The following MRE11 variants were observed in gnomAD, a reference collection of about 807,000 sequenced individuals.
MRE11 encodes the protein MRE11 double strand break repair nuclease, also known as double-strand break repair protein MRE11.
A neutral mutation model predicts 91.7 loss-of-function variants in MRE11; 62 were observed. The observed-to-expected ratio is 0.68, with a 90% confidence interval of 0.55 to 0.84. The LOEUF (loss-of-function observed/expected upper bound fraction) is 0.84, where lower values mean the gene tolerates loss of function less well. MRE11 is among the 40% of genes least tolerant of loss of function. The pLI is 0.00. For missense variants in MRE11, 796 were observed against 852.9 expected (o/e 0.93, Z 0.83); for synonymous variants, 273 against 271.4 (o/e 1.01, Z -0.06).
rs562062123 is a variant in MRE11 at position 94,466,354 on chromosome 11, T to C, written c.1098+1459A>G. On this transcript the variant is annotated intron_variant, in intron 10 of 19. Transcript: ENST00000323929. ...GAGAAGGAAACTGGAGGCAGAGTCCTGGTAGGAGGCTGCAGCAATAGGCCA... is the reference window on the plus strand; with the variant it reads ...GAGAAGGAAACTGGAGGCAGAGTCCCGGTAGGAGGCTGCAGCAATAGGCCA... 330 of 341,902 alleles carry C rather than the reference T, an allele frequency of 9.7e-4. 2 individuals are homozygous for C. Among genetic ancestry groups the C allele is most frequent in the African/African-American group, 6.5e-3 (302 of 46,148 alleles). 21.2% of individuals were successfully genotyped at this position (341,902 alleles called of 1,614,324 possible).
chr11:94,506,332 G>A, the MRE11 span, among the ~76,000 whole-genome samples: 1 of 151,500 alleles, frequency 6.6e-6, no homozygotes, highest in Non-Finnish European at 1.5e-5. Context: ...GTTAAAAAGA[G>A]AAAAATGGAA....
At chr11:94,464,410 CTAA>C (rs1223152632) in intron 10 of MRE11, among the ~76,000 whole-genome samples, 171 bp from the exon 11 acceptor site, 1 of 152,154 alleles carries the variant, frequency 6.6e-6, no homozygotes, top group African/African-American at 2.4e-5. Context: ...TACTGAGAAA[CTAA>C]TGTTTGAAAA....
intron 19 of MRE11, among the ~76,000 whole-genome samples, chr11:94,426,959 T>G (rs1945338451): frequency 1.3e-5 from 2 of 152,192 alleles, no homozygotes; most frequent in Admixed American, 6.5e-5. Flanking sequence ...CACAGCCATA[T>G]TCTATCAGAC....
chr11:94,443,076 G>T (rs1945829328), intron 16 of MRE11, among the ~76,000 whole-genome samples: 1 of 152,164 alleles, frequency 6.6e-6, no homozygotes, highest in Non-Finnish European at 1.5e-5. Flanking sequence ...TAATCAACCT[G>T]ATTTTGTATC....
At chr11:94,502,480 T>G in the MRE11 span, among the ~76,000 whole-genome samples, 3 of 152,208 alleles carry the variant, frequency 2.0e-5, no homozygotes, top group Non-Finnish European at 4.4e-5. Flanking sequence ...TTTATGTAGT[T>G]TATTTATAGT....
At chr11:94,503,566 T>C in the MRE11 span, among the ~76,000 whole-genome samples, 215 of 152,154 alleles carry the variant, frequency 1.4e-3, no homozygotes, top group African/African-American at 5.0e-3. Flanking sequence ...GGCACACCCC[T>C]GTAGTCCTAG....
intron 18 of MRE11, among the ~76,000 whole-genome samples, chr11:94,430,561 A>G (rs1383971501): frequency 1.3e-5 from 2 of 151,192 alleles, no homozygotes; most frequent in Non-Finnish European, 2.9e-5. Context: ...GCTCACTGCA[A>G]CCTCCACCTC....
At chr11:94,427,492 A>C (rs1453134565) in intron 19 of MRE11, among the ~76,000 whole-genome samples, 6 of 152,210 alleles carry the variant, frequency 3.9e-5, no homozygotes, top group Non-Finnish European at 8.8e-5. Context: ...AAAGATAAGA[A>C]TGCCCACTCT....
intron 10 of MRE11, among the ~76,000 whole-genome samples, chr11:94,464,811 A>G (rs1946518461): frequency 6.6e-6 from 1 of 152,184 alleles, no homozygotes; most frequent in South Asian, 2.1e-4. Flanking sequence ...TGTAGTGGTA[A>G]ACAGACCTTT....
At position 94,492,914 on chromosome 11, in the gene MRE11, C is replaced by G. The variant is rs1307666672; in HGVS notation, c.-105-8G>C. The stretch of plus-strand genomic sequence containing the variant: ...TTCCAAATTCTAGAAATTCTAAAAA[C>G]AAAATTACATCATAAAACACATTTT... On this transcript the variant is annotated splice_region_variant and splice_polypyrimidine_tract_variant and intron_variant, in intron 1 of 19. Transcript: ENST00000323929. The G allele has an allele frequency of 2.1e-6, 2 of 970,968 alleles. No individual in the cohort carries two copies. The highest frequency in any genetic ancestry group is 3.3e-6 in the Non-Finnish European group (2 of 613,982). 60.1% of individuals were successfully genotyped at this position (970,968 alleles called of 1,614,324 possible). A position where few individuals can be genotyped will look rare whatever the true frequency, so the allele number is the denominator to read the frequency against.
Position 94,452,196 on chromosome 11 carries a change from CA to C in MRE11, c.1563+4079del, listed in dbSNP as rs35238737. 6.6e-3 allele frequency among the ~76,000 whole-genome samples: 623 copies of C among 94,516 alleles called. 3 individuals are homozygous for C. Among genetic ancestry groups the C allele is most frequent in the African/African-American group, 0.02 (490 of 24,898 alleles). 62.0% of individuals were successfully genotyped at this position (94,516 alleles called of 152,430 possible). On this transcript the variant is annotated intron_variant, in intron 14 of 19. Transcript: ENST00000323929. ...TGGGTGACAGAGTGAGACTTTGCCT[CA>C]AAAAAAAAAAAAAAAAAGAGAAAGA... is the stretch of plus-strand genomic sequence containing the variant.
At chr11:94,458,564 T>G (rs1289592083) in intron 13 of MRE11, among the ~76,000 whole-genome samples, 1 of 152,098 alleles carries the variant, frequency 6.6e-6, no homozygotes, top group African/African-American at 2.4e-5. Flanking sequence ...CATACACAAA[T>G]CTCTACCTCA....
At chr11:94,433,238 TAC>T (rs1170991561) in intron 18 of MRE11, among the ~76,000 whole-genome samples, 1 of 152,234 alleles carries the variant, frequency 6.6e-6, no homozygotes. Flanking sequence ...TAAGCTTGTT[TAC>T]ACTTGTTCTG....
chr11:94,440,037 G>A (rs1945733489), intron 16 of MRE11, among the ~76,000 whole-genome samples: 1 of 152,220 alleles, frequency 6.6e-6, no homozygotes, highest in African/African-American at 2.4e-5. Context: ...GTGCAAGGGT[G>A]CTAAGCCAGC....
At chr11:94,433,538 C>T (rs1945520620) in intron 18 of MRE11, among the ~76,000 whole-genome samples, 2 of 152,188 alleles carry the variant, frequency 1.3e-5, no homozygotes, top group Admixed American at 6.5e-5. Flanking sequence ...TGAATTGTAG[C>T]TCTCGTAACT....
At chr11:94,494,425 C>A (rs1440972250), upstream of MRE11, among the ~76,000 whole-genome samples, 1 of 152,166 alleles carries the variant, frequency 6.6e-6, no homozygotes, top group Non-Finnish European at 1.5e-5. Context: ...AACGTCTGCC[C>A]TTTCAGTTCC....
At position 94,478,558 on chromosome 11, in the gene MRE11, C is replaced by T. The variant is rs574869489; in HGVS notation, c.544+177G>A. On this transcript the variant is annotated intron_variant, in intron 6 of 19. Coordinates refer to ENST00000323929, the MANE Select transcript of MRE11 (RefSeq NM_005591.4). Reference sequence around the variant, plus strand: ...AAAAACCCAAAATAATAAATAGTAACGAAAAGACATTTTTTCACCAAAAAT... The same window carrying T: ...AAAAACCCAAAATAATAAATAGTAATGAAAAGACATTTTTTCACCAAAAAT... Among the ~76,000 whole-genome samples the T allele has an allele frequency of 1.2e-4, 19 of 152,174 alleles. No individual in the cohort carries two copies. In the East Asian group the frequency reaches 2.3e-3, roughly 19 times the overall value.
chr11:94,422,318 G>A (rs929044379), intron 19 of MRE11, among the ~76,000 whole-genome samples: 12 of 152,036 alleles, frequency 7.9e-5, no homozygotes, highest in Non-Finnish European at 7.4e-5. Flanking sequence ...GGTTGCAGAC[G>A]CGATCTGGAA....
intron 9 of MRE11, among the ~76,000 whole-genome samples, chr11:94,468,596 T>G (rs1372616314): frequency 6.6e-6 from 1 of 152,314 alleles, no homozygotes; most frequent in East Asian, 1.9e-4. Context: ...GGTCCTGATC[T>G]CAAGAACAAT....
Sources: allele counts gnomAD v4.1 joint callset (sites outside exome capture counted in the v4.1 genomes callset), GRCh38; gene constraint gnomAD v4.1.1; transcripts MANE v1.5; gene names NCBI Gene and HGNC (gene_info 2026-07-23, HGNC 2026-07-21).